The following MAPK10 variants were observed in gnomAD, a reference collection of about 807,000 sequenced individuals.
The protein encoded by MAPK10 is JNK3 alpha protein kinase.
Under a neutral mutation model 59.3 loss-of-function variants are expected in MAPK10, and 25 were observed. That is an observed-to-expected ratio of 0.42 (90% CI 0.31 to 0.59). The LOEUF (loss-of-function observed/expected upper bound fraction) is 0.59. Among genes scored for constraint, MAPK10 ranks in the 20% least tolerant of loss-of-function variants. MAPK10 has a pLI of 0.15. For synonymous variants in MAPK10, 190 were observed against 200.5 expected (o/e 0.95, Z 0.44); for missense variants, 351 against 568.9 (o/e 0.62, Z 3.90).
chr4:86,214,417 TAAAG>T (rs1474329920), intron 2 of MAPK10, among the ~76,000 whole-genome samples: 7 of 134,118 alleles, frequency 5.2e-5, no homozygotes, highest in African/African-American at 1.9e-4. Context: ...AAGAAGGAAA[TAAAG>T]AAAGGGCATC....
At chr4:86,378,314 C>A (rs758427016) in intron 1 of MAPK10, among the ~76,000 whole-genome samples, 1 of 152,194 alleles carries the variant, frequency 6.6e-6, no homozygotes, top group Non-Finnish European at 1.5e-5. Context: ...GGCTTTTGCA[C>A]TTGCTGATCC....
chr4:86,074,752 C>T (rs2048869717), intron 9 of MAPK10, among the ~76,000 whole-genome samples: 1 of 138,814 alleles, frequency 7.2e-6, no homozygotes, highest in South Asian at 2.3e-4. Flanking sequence ...AGGGTTTCTG[C>T]CGAGAGATCC....
intron 1 of MAPK10, among the ~76,000 whole-genome samples, chr4:86,469,173 T>C (rs1274559551): frequency 6.6e-6 from 1 of 150,882 alleles, no homozygotes; most frequent in Non-Finnish European, 1.5e-5. Flanking sequence ...GCTGAGGTGG[T>C]TGTCCCCTTG....
At chr4:86,400,821 G>A (rs1743611290) in intron 1 of MAPK10, among the ~76,000 whole-genome samples, 1 of 152,062 alleles carries the variant, frequency 6.6e-6, no homozygotes, top group African/African-American at 2.4e-5. Context: ...TTAATTATGA[G>A]ATCTACTGAT....
intron 2 of MAPK10, among the ~76,000 whole-genome samples, chr4:86,205,927 G>T (rs2083749153): frequency 6.6e-6 from 1 of 151,888 alleles, no homozygotes; most frequent in Admixed American, 6.6e-5. Context: ...AAAGATGTCT[G>T]CCATCATTGT....
intron 1 of MAPK10, among the ~76,000 whole-genome samples, chr4:86,554,584 A>T (rs1051232971): frequency 5.3e-5 from 8 of 152,150 alleles, no homozygotes; most frequent in African/African-American, 1.9e-4. Flanking sequence ...AAATCTGACC[A>T]TTCTTCCCTA....
At chr4:86,162,792 T>C (rs2070259511) in intron 3 of MAPK10, among the ~76,000 whole-genome samples, 1 of 152,096 alleles carries the variant, frequency 6.6e-6, no homozygotes, top group South Asian at 2.1e-4. Context: ...GAGGGGAGAC[T>C]TGATCTGTGT....
intron 9 of MAPK10, among the ~76,000 whole-genome samples, chr4:86,097,922 T>C (rs1262260464): frequency 6.6e-6 from 1 of 152,148 alleles, no homozygotes; most frequent in Non-Finnish European, 1.5e-5. Context: ...ATGTCACATC[T>C]CCAAGTCAGG....
chr4:86,373,826 C>T (rs1260944640), intron 1 of MAPK10, among the ~76,000 whole-genome samples: 1 of 152,138 alleles, frequency 6.6e-6, no homozygotes, highest in Non-Finnish European at 1.5e-5. Context: ...ATTACTGCAA[C>T]CATTGTGGAA....
chr4:86,372,567 A>AGGAAG (rs146996916), intron 1 of MAPK10, among the ~76,000 whole-genome samples: 2 of 132,844 alleles, frequency 1.5e-5, no homozygotes, highest in South Asian at 2.5e-4. Flanking sequence ...AAAGAAAGAA[A>AGGAAG]GAAAAGAAAA....
intron 4 of MAPK10, chr4:86,107,607 G>T: frequency 9.1e-7 from 1 of 1,093,386 alleles, no homozygotes; most frequent in Non-Finnish European, 1.1e-6. Context: ...GAGTAGAAGA[G>T]GGCAAAGGAG....
In MAPK10 at chr4:86,292,714, T is replaced by C. The variant is rs190568468; in HGVS notation, c.-7+61816A>G. Among the ~76,000 whole-genome samples the C allele has an allele frequency of 4.0e-3, 614 of 152,228 alleles. 3 individuals are homozygous for C. Among genetic ancestry groups the C allele is most frequent in the African/African-American group, 0.014 (585 of 41,528 alleles). ...GCCTGAAAAACAGAGGGAGACTCTG[T>C]TTCTAAAACAAAACAAACAACAAGA... On this transcript the variant is annotated intron_variant, in intron 2 of 13. Transcript: ENST00000641462.
intron 3 of MAPK10, among the ~76,000 whole-genome samples, chr4:86,178,761 C>T (rs1246498110): frequency 6.6e-6 from 1 of 152,112 alleles, no homozygotes; most frequent in Non-Finnish European, 1.5e-5. Flanking sequence ...TTGCAGATGG[C>T]ATGAACTCAT....
At chr4:86,470,190 G>A (rs1337269828) in intron 1 of MAPK10, among the ~76,000 whole-genome samples, 1 of 152,144 alleles carries the variant, frequency 6.6e-6, no homozygotes, top group African/African-American at 2.4e-5. Context: ...ATATAAAGCA[G>A]CCAACAGAGG....
chr4:86,511,688 G>GGAA (rs796378908), intron 1 of MAPK10, among the ~76,000 whole-genome samples: 29 of 147,844 alleles, frequency 2.0e-4, no homozygotes, highest in African/African-American at 5.0e-4. Flanking sequence ...AAGAAGAACA[G>GGAA]GAAGAAGAAG....
At chr4:86,381,995 T>C (rs956964438) in intron 1 of MAPK10, among the ~76,000 whole-genome samples, 2 of 152,098 alleles carry the variant, frequency 1.3e-5, no homozygotes, top group Non-Finnish European at 2.9e-5. Context: ...TTCTCTACAG[T>C]GGCGCTATTG....
chr4:86,518,332 C>T (rs1756858290), intron 1 of MAPK10, among the ~76,000 whole-genome samples: 2 of 152,120 alleles, frequency 1.3e-5, no homozygotes, highest in Admixed American at 1.3e-4. Context: ...CTCTTTCTGG[C>T]TTAATCTAGG....
chr4:86,402,877 T>C (rs571946213), intron 1 of MAPK10, among the ~76,000 whole-genome samples: 1 of 152,284 alleles, frequency 6.6e-6, no homozygotes, highest in South Asian at 2.1e-4. Context: ...ACGGAAAGCA[T>C]GGCCTGGGCT....
intron 1 of MAPK10, among the ~76,000 whole-genome samples, chr4:86,495,593 A>G (rs558699416): frequency 5.9e-5 from 9 of 152,232 alleles, no homozygotes; most frequent in Non-Finnish European, 1.3e-4. Flanking sequence ...TCTCATAAAT[A>G]TTACAAATAG....
Sources: gnomAD v4.1 joint callset for allele counts (sites outside exome capture counted in the v4.1 genomes callset) on GRCh38, gnomAD v4.1.1 for gene constraint, MANE v1.5 for transcripts, NCBI Gene and HGNC (gene_info 2026-07-23, HGNC 2026-07-21) for gene names.